KIR2DL1: variants seen among roughly 807,000 people sequenced by gnomAD.
KIR2DL1 encodes killer cell immunoglobulin like receptor, two Ig domains and long cytoplasmic tail 1, also known as killer cell immunoglobulin-like receptor 2DL1.
In KIR2DL1, 38 loss-of-function variants were observed where a neutral mutation model predicts 33.9. The observed-to-expected ratio is 1.12, with a 90% CI of 0.86 to 1.47. The LOEUF (loss-of-function observed/expected upper bound fraction) is 1.47, where lower values mean the gene tolerates loss of function less well. Among genes scored for constraint, KIR2DL1 ranks in the 40% most tolerant of loss-of-function variants. The pLI is 0.00. For synonymous variants in KIR2DL1, 179 were observed against 165.9 expected, an observed-to-expected ratio of 1.08 and a Z score of -0.61; for missense variants, 531 against 433.9, an observed-to-expected ratio of 1.22 and a Z score of -1.99.
At position 54,770,714 on chromosome 19, in the gene KIR2DL1, G is replaced by A. The variant is rs2075607025; in HGVS notation, c.35-135G>A. The A allele has an allele frequency of 3.1e-6, 4 of 1,276,716 alleles. 1 individual carries two copies. The highest frequency in any genetic ancestry group is 3.8e-4 in the Middle Eastern group (2 of 5,318). 79.1% of individuals were successfully genotyped at this position (1,276,716 alleles called of 1,614,324 possible). On this transcript the variant is annotated intron_variant, in intron 1 of 7. Coordinates refer to ENST00000336077, the MANE Select transcript of KIR2DL1 (RefSeq NM_014218.3). ...ACAGCCGACAGCCCTGTTCTTGGGT[G>A]CAGGTAGGCACTGAGGGTGAGTTTA...
chr19:54,772,937 A>T (rs202011250), intron 2 of KIR2DL1, among the ~76,000 whole-genome samples: 13,606 of 134,546 alleles, frequency 0.1, 1 homozygote, highest in South Asian at 0.15. Context: ...TGCCTTACTG[A>T]TCAGTTCATA....
chr19:54,778,873 C>T (rs77117416), intron 5 of KIR2DL1, among the ~76,000 whole-genome samples: 4,015 of 119,006 alleles, frequency 0.034, 23 homozygotes, highest in African/African-American at 0.058. Flanking sequence ...GAGCTGAGAC[C>T]TCCTACAAGC....
At chr19:54,780,534 C>A (rs1160178332) in intron 5 of KIR2DL1, among the ~76,000 whole-genome samples, 1 of 143,976 alleles carries the variant, frequency 6.9e-6, no homozygotes, top group Admixed American at 7.1e-5. Context: ...TTGGATTCAC[C>A]TCGGGGTAAC....
rs2075958747 is a variant in KIR2DL1 at position 54,773,254 on chromosome 19, G to T, written c.71-79G>T. 7 of 1,430,210 alleles carry T rather than the reference G, an allele frequency of 4.9e-6. No individual in the cohort carries two copies. The South Asian group carries it at 8.7e-5, about 18-fold the overall frequency. 88.6% of individuals were successfully genotyped at this position (1,430,210 alleles called of 1,614,324 possible). On this transcript the variant is annotated intron_variant, in intron 2 of 7. Coordinates refer to ENST00000336077, the MANE Select transcript of KIR2DL1 (RefSeq NM_014218.3). ...GGAGAGAGATAAGACACCAGGAAGGGGAAGCCTGACTCAATCCAGGTGCCA... is the reference window on the plus strand; with the variant it reads ...GGAGAGAGATAAGACACCAGGAAGGTGAAGCCTGACTCAATCCAGGTGCCA...
chr19:54,773,729 G>A (rs1334492202), intron 3 of KIR2DL1, 97 bp downstream of exon 3: 1 of 1,289,994 alleles, frequency 7.8e-7, no homozygotes, highest in Non-Finnish European at 1.1e-6. Flanking sequence ...GATGAGCTTG[G>A]TATTCTTATG....
intron 5 of KIR2DL1, among the ~76,000 whole-genome samples, chr19:54,779,649 C>T (rs538487903): frequency 6.7e-6 from 1 of 148,150 alleles, no homozygotes; most frequent in Non-Finnish European, 1.5e-5. Flanking sequence ...ATAATTCCAT[C>T]TGCAATCTTC....
chr19:54,779,140 G>C (rs560678099), intron 5 of KIR2DL1, among the ~76,000 whole-genome samples: 1 of 148,198 alleles, frequency 6.7e-6, no homozygotes, highest in South Asian at 2.1e-4. Context: ...CGCACACTTC[G>C]ACTCACTGAC....
chr19:54,777,384 C>G (rs923122710), intron 4 of KIR2DL1, among the ~76,000 whole-genome samples: 4 of 148,468 alleles, frequency 2.7e-5, no homozygotes, highest in African/African-American at 9.9e-5. Context: ...AGCCACCTCA[C>G]CCGGCCTAAA....
At position 54,784,045 on chromosome 19, in the gene KIR2DL1, T is replaced by G. The variant is rs2077398174; in HGVS notation, c.*232T>G. On this transcript the variant is annotated 3_prime_UTR_variant, in exon 8 of 8. Transcript: ENST00000336077. Reference sequence around the variant, plus strand: ...ACACACTCCTTTGCTTAACCCACAGTTCTCCATTTCACTTGACCCCTGCCC... The same window carrying G: ...ACACACTCCTTTGCTTAACCCACAGGTCTCCATTTCACTTGACCCCTGCCC... The G allele has an allele frequency of 1.5e-6, 1 of 681,486 alleles. No homozygotes were observed. The highest frequency in any genetic ancestry group is 1.8e-5 in the African/African-American group (1 of 55,914). 42.2% of individuals were successfully genotyped at this position (681,486 alleles called of 1,614,324 possible).
In KIR2DL1 at chr19:54,780,457, G is replaced by T. The variant is rs1332342760; in HGVS notation, c.715+1795G>T. On this transcript the variant is annotated intron_variant, in intron 5 of 7. Coordinates refer to ENST00000336077, the MANE Select transcript of KIR2DL1 (RefSeq NM_014218.3). ...AATGACAAGACGACTGTAGAGAGACGGAGAGCACACTGGGTACACAGGAAA... is the reference window on the plus strand; with the variant it reads ...AATGACAAGACGACTGTAGAGAGACTGAGAGCACACTGGGTACACAGGAAA... Among the ~76,000 whole-genome samples, 2 of 140,786 alleles carry T rather than the reference G, an allele frequency of 1.4e-5. 1 individual carries two copies. Among genetic ancestry groups the T allele is most frequent in the Admixed American group, 1.5e-4 (2 of 13,658 alleles). The allele number at this position is 140,786 out of a possible 152,430, so 92.4% of individuals were successfully genotyped here.
intron 4 of KIR2DL1, among the ~76,000 whole-genome samples, chr19:54,776,598 C>A (rs562058503): frequency 6.9e-6 from 1 of 145,346 alleles, no homozygotes; most frequent in South Asian, 2.2e-4. Context: ...TGGATATAAA[C>A]CCAGTAGTGA....
At chr19:54,783,414 T>G in intron 6 of KIR2DL1, 72 bp from the exon 7 acceptor site, 2 of 1,544,660 alleles carry the variant, frequency 1.3e-6, no homozygotes, top group Non-Finnish European at 1.8e-6. Context: ...CCCCTGTATG[T>G]TGGTATCTGC....
In KIR2DL1 at chr19:54,775,054, GA is replaced by G. The variant is rs2147483816; in HGVS notation, c.371-110del. On this transcript the variant is annotated intron_variant, in intron 3 of 7. Coordinates refer to ENST00000336077, the MANE Select transcript of KIR2DL1 (RefSeq NM_014218.3). ...GAGCGATGGGGTAGAGGGTGAGAGAGAGAGAGAGAGAGCATTAGGTCATAGA... is the reference window on the plus strand; with the variant it reads ...GAGCGATGGGGTAGAGGGTGAGAGAGGAGAGAGAGAGCATTAGGTCATAGA... The G allele has an allele frequency of 3.0e-6, 4 of 1,342,202 alleles. No individual in the cohort carries two copies. The East Asian group carries it at 9.3e-5, about 31-fold the overall frequency. 83.1% of individuals were successfully genotyped at this position (1,342,202 alleles called of 1,614,324 possible).
intron 2 of KIR2DL1, among the ~76,000 whole-genome samples, chr19:54,772,869 G>A (rs1288039193): frequency 6.9e-6 from 1 of 145,170 alleles, no homozygotes; most frequent in Admixed American, 7.1e-5. Flanking sequence ...GCTGGCACTG[G>A]CATGGCAAGA....
chr19:54,769,884 G>C lies in KIR2DL1; in HGVS notation c.34G>C (p.Gly12Arg). The C allele has an allele frequency of 1.3e-6, 2 of 1,568,330 alleles. No homozygotes were observed. The highest frequency in any genetic ancestry group is 1.7e-5 in the Admixed American group (1 of 57,900). ...CTTGGTCGTCAGCATGGCGTGTGTT[G>C]GTGAGTCCTGGAAAGCAATAGAGGG... Reference protein sequence around the residue: ...SLLVVSMACVGFFLLQGAWPH... With the variant: ...SLLVVSMACVRFFLLQGAWPH... The change falls in exon 1 of 8, where the codon GGG becomes CGG. Residue 12 changes from glycine to arginine, a missense_variant and splice_region_variant. By Grantham distance (125) the Gly-to-Arg change is moderately radical. Coordinates refer to ENST00000336077, the MANE Select transcript of KIR2DL1 (RefSeq NM_014218.3).
rs2076126764 is a variant in KIR2DL1, at chr19:54,774,703, T to C, written c.371-462T>C. On this transcript the variant is annotated intron_variant, in intron 3 of 7. Transcript: ENST00000336077. ...GAGAGAGAGAGATGATACATAGATA[T>C]AGATAATAGATGATTGATGGATAGA... Among the ~76,000 whole-genome samples the C allele has an allele frequency of 2.0e-5, 3 of 147,472 alleles. 1 individual carries two copies. Among genetic ancestry groups the C allele is most frequent in the Admixed American group, 1.4e-4 (2 of 14,562 alleles).
rs1367157628 is a variant in KIR2DL1 at position 54,775,299 on chromosome 19, C to A, written c.505C>A (p.Arg169Ser). ...HLSREGEAHERRLPAGPKVNG... is the reference protein window; with the variant it reads ...HLSREGEAHESRLPAGPKVNG... ...ATCCAGGGAAGGGGAGGCCCATGAA[C>A]GTAGGCTCCCTGCAGGGCCCAAGGT... Residue 169 changes from arginine to serine, a missense_variant, in exon 4 of 8, where the codon CGT becomes AGT. Physicochemically the swap from Arg to Ser is moderately radical, Grantham distance 110. Transcript: ENST00000336077. The A allele has an allele frequency of 6.3e-7, 1 of 1,598,538 alleles. No individual in the cohort carries two copies. Among genetic ancestry groups the A allele is most frequent in the Non-Finnish European group, 8.6e-7 (1 of 1,168,038 alleles).
intron 5 of KIR2DL1, 114 bp from the exon 6 acceptor site, chr19:54,782,808 T>G (rs1600883610): frequency 8.9e-7 from 1 of 1,123,290 alleles, no homozygotes; most frequent in Admixed American, 1.8e-5. Flanking sequence ...GCCATCTGGG[T>G]GCTTGTCCTA....
At position 54,784,026 on chromosome 19, in the gene KIR2DL1, T is replaced by C. The variant is rs2916015; in HGVS notation, c.*213T>C. On this transcript the variant is annotated 3_prime_UTR_variant, in exon 8 of 8. Coordinates refer to ENST00000336077, the MANE Select transcript of KIR2DL1 (RefSeq NM_014218.3). ...ACTGCCTGCTGGAGAAAAAACACAC[T>C]CCTTTGCTTAACCCACAGTTCTCCA... The C allele has an allele frequency of 0.17, 128,377 of 773,186 alleles. 12,423 individuals are homozygous for C. Among genetic ancestry groups the C allele is most frequent in the East Asian group, 0.4 (15,332 of 38,486 alleles). The allele number at this position is 773,186 out of a possible 1,614,324, so 47.9% of individuals were successfully genotyped here.
Sources: gnomAD v4.1 joint callset for allele counts (sites outside exome capture counted in the v4.1 genomes callset) on GRCh38, gnomAD v4.1.1 for gene constraint, MANE v1.5 for transcripts, NCBI Gene and HGNC (gene_info 2026-07-23, HGNC 2026-07-21) for gene names.